WDR76: variants seen among roughly 807,000 people sequenced by gnomAD.
WDR76 encodes WD repeat domain 76.
Under a neutral mutation model 70.2 loss-of-function variants are expected in WDR76, and 52 were observed. The observed-to-expected ratio is 0.74, with a 90% CI of 0.59 to 0.93. The LOEUF (loss-of-function observed/expected upper bound fraction) is 0.93, where lower values mean the gene tolerates loss of function less well. WDR76 is among the 40% of genes least tolerant of loss of function. WDR76 has a pLI of 0.00. For missense variants in WDR76, 756 were observed against 760.2 expected (o/e 0.99, Z 0.07); for synonymous variants, 292 against 271.1 (o/e 1.08, Z -0.76).
At position 43,846,405 on chromosome 15, in the gene WDR76, T is replaced by G. The variant is rs1489145989; in HGVS notation, c.1032+2351T>G. On this transcript the variant is annotated intron_variant, in intron 8 of 12. Coordinates refer to ENST00000263795, the MANE Select transcript of WDR76 (RefSeq NM_024908.4). Reference sequence around the variant, plus strand: ...CGGTCAAGCAATTCTCCACCTCAGCTTCCTGCGTAGCTGGGACTACGGTCA... The same window carrying G: ...CGGTCAAGCAATTCTCCACCTCAGCGTCCTGCGTAGCTGGGACTACGGTCA... Among the ~76,000 whole-genome samples the G allele has an allele frequency of 2.7e-5, 4 of 148,976 alleles. 1 individual carries two copies. Among genetic ancestry groups the G allele is most frequent in the Non-Finnish European group, 4.5e-5 (3 of 66,516 alleles).
rs1166725032 is a variant in WDR76, at chr15:43,842,647, A to G, written c.854A>G (p.Glu285Gly). The G allele has an allele frequency of 6.2e-7, 1 of 1,610,288 alleles. No homozygotes were observed. Among genetic ancestry groups the G allele is most frequent in the South Asian group, 1.1e-5 (1 of 90,432 alleles). The change falls in exon 7 of 13, where the codon GAG becomes GGG. Residue 285 changes from glutamate to glycine, a missense_variant. Glu to Gly is a moderately conservative substitution (Grantham distance 98, BLOSUM62 -2). Transcript: ENST00000263795. The part of the protein sequence containing the change: ...GMSKPSSKNT[E>G]KGLSSIKSYK... ...TTTCAGCCAAGTAGTAAGAACACTG[A>G]GAAGGGATTATCTAGCATTAAAAGG...
chr15:43,848,408 A>G (rs2087815073), intron 8 of WDR76, among the ~76,000 whole-genome samples: 1 of 152,218 alleles, frequency 6.6e-6, no homozygotes, highest in African/African-American at 2.4e-5. Flanking sequence ...TGGTAAATTG[A>G]CCAAATCCTG....
At chr15:43,854,889 T>G (rs1297611457) in intron 9 of WDR76, among the ~76,000 whole-genome samples, 1 of 151,192 alleles carries the variant, frequency 6.6e-6, no homozygotes, top group Non-Finnish European at 1.5e-5. Context: ...AGGCAGAGGT[T>G]GCAGTGAGCC....
intron 8 of WDR76, among the ~76,000 whole-genome samples, chr15:43,845,440 T>C (rs2087776724): frequency 6.7e-6 from 1 of 150,088 alleles, no homozygotes; most frequent in South Asian, 2.1e-4. Flanking sequence ...CTGTCCCTTC[T>C]ACCATATGAG....
Position 43,861,314 on chromosome 15 carries a change from TACTC to T in WDR76, c.1563-18_1563-15del. The T allele has an allele frequency of 6.2e-7, 1 of 1,606,162 alleles. No homozygotes were observed. ...GTTTTTAAGTAACAAAAGAATGTCT[TACTC>T]TCTTTATTTTGCAGAATTTTTGACA... On this transcript the variant is annotated splice_polypyrimidine_tract_variant and intron_variant, in intron 11 of 12. Transcript: ENST00000263795.
chr15:43,862,125 G>A (rs1220448065), intron 12 of WDR76, among the ~76,000 whole-genome samples: 1 of 151,336 alleles, frequency 6.6e-6, no homozygotes, highest in African/African-American at 2.4e-5. Flanking sequence ...CGTAAGCCAC[G>A]GCGCCTGGCC....
At chr15:43,859,887 T>C (rs1214198098) in intron 11 of WDR76, among the ~76,000 whole-genome samples, 56 of 152,226 alleles carry the variant, frequency 3.7e-4, no homozygotes, top group Admixed American at 3.7e-3. Flanking sequence ...GAGGTGGTGA[T>C]GCTGTTAGTT....
intron 9 of WDR76, among the ~76,000 whole-genome samples, chr15:43,853,544 T>C (rs1436456597): frequency 6.6e-6 from 1 of 152,154 alleles, no homozygotes; most frequent in Non-Finnish European, 1.5e-5. Flanking sequence ...AGAACTCCTA[T>C]AGCTTAATTA....
Position 43,857,097 on chromosome 15 carries a change from T to C in WDR76, c.1343T>C (p.Met448Thr). ...TSYEKLTSSS[M>T]GKIRTVHVHP... ...TATGAGAAACTTACCAGTTCTTCTATGGGAAAAATAAGAACTGTTCATGTC... is the reference window on the plus strand; with the variant it reads ...TATGAGAAACTTACCAGTTCTTCTACGGGAAAAATAAGAACTGTTCATGTC... Residue 448 changes from methionine to threonine, a missense_variant, in exon 10 of 13, where the codon ATG (methionine) becomes ACG (threonine). By Grantham distance (81) the Met-to-Thr change is moderately conservative. Transcript: ENST00000263795. 2.5e-6 allele frequency: 4 copies of C among 1,614,112 alleles called. No individual in the cohort carries two copies. Among genetic ancestry groups the C allele is most frequent in the Non-Finnish European group, 3.4e-6 (4 of 1,180,000 alleles).
At chr15:43,853,446 C>G (rs2087888532) in intron 9 of WDR76, among the ~76,000 whole-genome samples, 1 of 152,116 alleles carries the variant, frequency 6.6e-6, no homozygotes, top group Non-Finnish European at 1.5e-5. Flanking sequence ...CCACCTTGGC[C>G]TTCCAAAGTG....
At chr15:43,836,868 TAA>T (rs779650391) in intron 4 of WDR76, among the ~76,000 whole-genome samples, 5 of 129,090 alleles carry the variant, frequency 3.9e-5, no homozygotes, top group Admixed American at 7.9e-5. Context: ...CCATCGCTAC[TAA>T]AAAAAAAAAA....
chr15:43,850,975 A>T lies in WDR76; in HGVS notation c.1033-112A>T. ...AGAGTGGTTACAATTATAGACTAAGAAAAGACTGAATATAATCCAGTGTAA... is the reference window on the plus strand; with the variant it reads ...AGAGTGGTTACAATTATAGACTAAGTAAAGACTGAATATAATCCAGTGTAA... On this transcript the variant is annotated intron_variant, in intron 8 of 12. Coordinates refer to ENST00000263795, the MANE Select transcript of WDR76 (RefSeq NM_024908.4). The T allele has an allele frequency of 6.0e-6, 8 of 1,335,886 alleles. No homozygotes were observed. In the South Asian group the frequency reaches 1.2e-4, roughly 20 times the overall value. The allele number at this position is 1,335,886 out of a possible 1,614,324, so 82.8% of individuals were successfully genotyped here. A position where few individuals can be genotyped will look rare whatever the true frequency, so the allele number is the denominator to read the frequency against.
Position 43,856,140 on chromosome 15 carries a change from G to A in WDR76, c.1192-806G>A, listed in dbSNP as rs552225105. 9.9e-5 allele frequency among the ~76,000 whole-genome samples: 15 copies of A among 151,804 alleles called. No homozygotes were observed. The South Asian group carries it at 3.1e-3, about 32-fold the overall frequency. On this transcript the variant is annotated intron_variant, in intron 9 of 12. Coordinates refer to ENST00000263795, the MANE Select transcript of WDR76 (RefSeq NM_024908.4). ...TACCTTATTCTTTTTAGCATTGCAT[G>A]GTATTTCAAAATAGAGGTGGATCAT...
At chr15:43,859,933 C>T (rs926953226) in intron 11 of WDR76, among the ~76,000 whole-genome samples, 8 of 152,176 alleles carry the variant, frequency 5.3e-5, no homozygotes, top group African/African-American at 1.9e-4. Context: ...GGCTTCTAGA[C>T]TCCTCTCCAA....
chr15:43,862,308 A>ATTTTTTTTTTTTTTTTTT (rs60991615), intron 12 of WDR76, among the ~76,000 whole-genome samples: 1 of 56,948 alleles, frequency 1.8e-5, no homozygotes, highest in Non-Finnish European at 3.2e-5. Context: ...CAGGTCCACA[A>ATTTTTTTTTTTTTTTTTT]TTTTTTTTTT....
intron 12 of WDR76, among the ~76,000 whole-genome samples, chr15:43,864,199 A>G (rs1223211535): frequency 1.3e-5 from 2 of 152,202 alleles, no homozygotes; most frequent in Non-Finnish European, 2.9e-5. Context: ...TTGATTCCAT[A>G]TCTTAGATGT....
At chr15:43,842,194 G>C (rs756476613) in intron 5 of WDR76, among the ~76,000 whole-genome samples, 1 of 152,122 alleles carries the variant, frequency 6.6e-6, no homozygotes, top group Non-Finnish European at 1.5e-5. Context: ...CATTTGCTAG[G>C]TTGTTGAGAG....
At chr15:43,846,280 CTTT>C (rs36022657) in intron 8 of WDR76, among the ~76,000 whole-genome samples, 4 of 139,156 alleles carry the variant, frequency 2.9e-5, no homozygotes, top group African/African-American at 7.7e-5. Flanking sequence ...TGGATAGAGA[CTTT>C]TTTTTTTTTT....
At chr15:43,844,861 G>GATGAGTTGATCTGTAT (rs1235949238) in intron 8 of WDR76, among the ~76,000 whole-genome samples, 14 of 131,660 alleles carry the variant, frequency 1.1e-4, no homozygotes, top group African/African-American at 1.4e-4. Context: ...CTGGGAGGGG[G>GATGAGTTGATCTGTAT]AGCTTGCAGT....
Sources: allele counts gnomAD v4.1 joint callset (sites outside exome capture counted in the v4.1 genomes callset), GRCh38; gene constraint gnomAD v4.1.1; transcripts MANE v1.5; gene names NCBI Gene and HGNC (gene_info 2026-07-23, HGNC 2026-07-21).